The following PSMA1 variants were observed in gnomAD, a reference collection of about 807,000 sequenced individuals.
PSMA1 encodes proteasome subunit alpha type-1.
Under a neutral mutation model 38.4 loss-of-function variants are expected in PSMA1, and 3 were observed. That is an observed-to-expected ratio of 0.08 (90% CI 0.04 to 0.20). The LOEUF (loss-of-function observed/expected upper bound fraction) is 0.20. PSMA1 is among the 10% of genes least tolerant of loss of function. The pLI, the probability that PSMA1 is intolerant of heterozygous loss-of-function variation, is 1.00. For synonymous variants in PSMA1, 101 were observed against 107.1 expected (o/e 0.94, Z 0.35); for missense variants, 227 against 325.3 (o/e 0.70, Z 2.32).
intron 2 of PSMA1, among the ~76,000 whole-genome samples, chr11:14,532,235 C>T (rs1231223409): frequency 1.3e-5 from 2 of 152,156 alleles, no homozygotes; most frequent in Admixed American, 6.5e-5. Context: ...TATCTATGCC[C>T]TTCCCTATTT....
chr11:14,559,640 G>A lies in PSMA1; in HGVS notation c.22-40599C>T, dbSNP rs376245209. 9.2e-5 allele frequency among the ~76,000 whole-genome samples: 14 copies of A among 152,306 alleles called. No homozygotes were observed. In the East Asian group the frequency reaches 2.1e-3, roughly 23 times the overall value. On this transcript the variant is annotated intron_variant, in intron 2 of 10. Coordinates refer to the PSMA1 transcript ENST00000418988. ...TAGCACATGCAAGGAGGGCTGGGTT[G>A]CAAGGAAACAAGGTGTCCATGCTGC...
intron 2 of PSMA1, among the ~76,000 whole-genome samples, chr11:14,583,340 G>A (rs1007856622): frequency 6.6e-6 from 1 of 152,190 alleles, no homozygotes; most frequent in Non-Finnish European, 1.5e-5. Flanking sequence ...CAGGCCGTTT[G>A]TACATCCAGT....
intron 1 of PSMA1, among the ~76,000 whole-genome samples, chr11:14,623,257 C>G (rs1339799829): frequency 1.3e-5 from 2 of 152,196 alleles, no homozygotes; most frequent in Non-Finnish European, 1.5e-5. Context: ...GTAAGACCAA[C>G]TGAAGTAGAA....
At chr11:14,614,473 G>A (rs1852746566) in intron 1 of PSMA1, among the ~76,000 whole-genome samples, 1 of 151,836 alleles carries the variant, frequency 6.6e-6, no homozygotes, top group South Asian at 2.1e-4. Flanking sequence ...TTCAGAGCCT[G>A]GCCTTCTACT....
At chr11:14,579,900 C>G (rs1409157411) in intron 2 of PSMA1, among the ~76,000 whole-genome samples, 1 of 152,124 alleles carries the variant, frequency 6.6e-6, no homozygotes, top group South Asian at 2.1e-4. Context: ...GAGGAAATGC[C>G]ATTCCCAGGC....
chr11:14,559,129 G>T (rs1851980510), intron 2 of PSMA1, among the ~76,000 whole-genome samples: 1 of 152,164 alleles, frequency 6.6e-6, no homozygotes, highest in African/African-American at 2.4e-5. Flanking sequence ...TAGTGAGCAA[G>T]AAATTTGCTG....
At chr11:14,549,273 T>C (rs191790966) in intron 2 of PSMA1, among the ~76,000 whole-genome samples, 25 of 152,344 alleles carry the variant, frequency 1.6e-4, no homozygotes, top group African/African-American at 6.0e-4. Flanking sequence ...TATTGTTTCA[T>C]CTGCAGTGAA....
intron 1 of PSMA1, among the ~76,000 whole-genome samples, chr11:14,621,761 T>C (rs987361862): frequency 6.6e-6 from 1 of 152,212 alleles, no homozygotes; most frequent in Non-Finnish European, 1.5e-5. Flanking sequence ...CTCTTTCACT[T>C]TAAAGGCCAA....
upstream of PSMA1, chr11:14,520,407 G>A: frequency 1.2e-6 from 2 of 1,613,046 alleles, no homozygotes; most frequent in South Asian, 1.1e-5. Flanking sequence ...GAGTTTGACG[G>A]CGGCGGCGCA....
At chr11:14,590,859 A>G (rs12223169) in intron 2 of PSMA1, among the ~76,000 whole-genome samples, 17 of 152,360 alleles carry the variant, frequency 1.1e-4, no homozygotes, top group Middle Eastern at 6.8e-3. Flanking sequence ...TGGTTACCTC[A>G]AACGACTTTA....
rs1852149794 is a variant in PSMA1, at chr11:14,572,072, T to C, written c.21+38894A>G. 2.6e-5 allele frequency among the ~76,000 whole-genome samples: 4 copies of C among 152,064 alleles called. No homozygotes were observed. The South Asian group carries it at 8.3e-4, about 32-fold the overall frequency. On this transcript the variant is annotated intron_variant, in intron 2 of 10. Coordinates refer to the PSMA1 transcript ENST00000418988. The stretch of plus-strand genomic sequence containing the variant: ...TCCCATACAATAATAATGGGAGAAT[T>C]TAACACCCCACTGTCAATATTAGAC...
At chr11:14,514,276 C>T in intron 5 of PSMA1, 127 bp downstream of exon 5, 1 of 1,383,982 alleles carries the variant, frequency 7.2e-7, no homozygotes, top group Non-Finnish European at 9.4e-7. Context: ...AAAGAGCAAT[C>T]CAATTTGTTG....
At chr11:14,568,871 A>C (rs1852104305) in intron 2 of PSMA1, among the ~76,000 whole-genome samples, 1 of 152,142 alleles carries the variant, frequency 6.6e-6, no homozygotes, top group African/African-American at 2.4e-5. Flanking sequence ...TCATCTCTGA[A>C]TCTCACCTGT....
chr11:14,563,451 C>T (rs1852033267), intron 2 of PSMA1, among the ~76,000 whole-genome samples: 1 of 152,148 alleles, frequency 6.6e-6, no homozygotes, highest in Admixed American at 6.5e-5. Context: ...ATGGCACAGG[C>T]AGTGCAGACC....
intron 2 of PSMA1, among the ~76,000 whole-genome samples, chr11:14,569,652 G>A (rs1406718632): frequency 6.6e-6 from 1 of 152,204 alleles, no homozygotes; most frequent in Non-Finnish European, 1.5e-5. Context: ...GCGGCAGCAA[G>A]GCTGGAGGAG....
At chr11:14,538,630 T>G (rs1412587717) in intron 2 of PSMA1, among the ~76,000 whole-genome samples, 1 of 152,256 alleles carries the variant, frequency 6.6e-6, no homozygotes, top group Non-Finnish European at 1.5e-5. Flanking sequence ...TTATAAAATA[T>G]TTATTCACAT....
At chr11:14,592,178 C>T (rs959983086) in intron 2 of PSMA1, among the ~76,000 whole-genome samples, 3 of 152,054 alleles carry the variant, frequency 2.0e-5, no homozygotes, top group Admixed American at 6.6e-5. Flanking sequence ...AAACTCCAGA[C>T]GCGCCACCTT....
At chr11:14,524,221 C>G (rs1003109051), upstream of PSMA1, among the ~76,000 whole-genome samples, 4 of 151,522 alleles carry the variant, frequency 2.6e-5, no homozygotes, top group African/African-American at 9.7e-5. Flanking sequence ...GTAGTCCCAG[C>G]TACTCGAGAG....
At chr11:14,575,919 C>T (rs1852207787) in intron 2 of PSMA1, among the ~76,000 whole-genome samples, 1 of 152,200 alleles carries the variant, frequency 6.6e-6, no homozygotes, top group South Asian at 2.1e-4. Context: ...TCTCCAGCAC[C>T]TGTTGTTTCC....
Sources: gnomAD v4.1 joint callset for allele counts (sites outside exome capture counted in the v4.1 genomes callset) on GRCh38, gnomAD v4.1.1 for gene constraint, MANE v1.5 for transcripts, NCBI Gene and HGNC (gene_info 2026-07-23, HGNC 2026-07-21) for gene names.